Variants in ELFN1 observed in about 807,000 individuals in gnomAD.
ELFN1 encodes the protein protein ELFN1.
In ELFN1, 6 loss-of-function variants were observed where a neutral mutation model predicts 7.6. That is an observed-to-expected ratio of 0.79 (90% CI 0.43 to 1.56). The LOEUF is 1.56. Ranked by LOEUF, ELFN1 falls within the 40% of genes most tolerant of loss-of-function variation. The probability of loss-of-function intolerance (pLI) is 0.01; values close to 1 mark genes in which losing one functional copy is unlikely to be tolerated. For missense variants in ELFN1, 1,169 were observed against 1,232.2 expected (o/e 0.95, Z 0.77); for synonymous variants, 657 against 588.1 (o/e 1.12, Z -1.70).
At chr7:1,722,561 G>A (rs1022463623) in intron 3 of ELFN1, among the ~76,000 whole-genome samples, 45 of 151,728 alleles carry the variant, frequency 3.0e-4, no homozygotes, top group African/African-American at 9.4e-4. Context: ...GTGAGCCACC[G>A]CGCCTGGGCA....
At chr7:1,688,199 T>C (rs996998723) in intron 2 of ELFN1, 49 bp downstream of exon 2, 6 of 152,160 alleles carry the variant, frequency 3.9e-5, no homozygotes, top group African/African-American at 1.4e-4. Flanking sequence ...TTGCATTCTT[T>C]ATATGTTTGT....
At chr7:1,734,448 C>T (rs1310457688) in intron 3 of ELFN1, among the ~76,000 whole-genome samples, 2 of 152,206 alleles carry the variant, frequency 1.3e-5, no homozygotes, top group Non-Finnish European at 2.9e-5. Context: ...CAGAGCAGCC[C>T]GGGGCTGCGA....
At chr7:1,723,051 A>G (rs750117033) in intron 3 of ELFN1, among the ~76,000 whole-genome samples, 1 of 152,178 alleles carries the variant, frequency 6.6e-6, no homozygotes, top group Non-Finnish European at 1.5e-5. Context: ...AAAATTAGCC[A>G]GGTGTGATGG....
Position 1,745,897 on chromosome 7 carries a change from G to C in ELFN1, c.1301G>C (p.Gly434Ala). ...CTCTTCGGCATGGTGCTGGTGCTGGGCGCCGTCTACTACTGCCTGCGCAGG... is the reference window on the plus strand; with the variant it reads ...CTCTTCGGCATGGTGCTGGTGCTGGCCGCCGTCTACTACTGCCTGCGCAGG... Reference protein sequence around the residue: ...GCLFGMVLVLGAVYYCLRRRR... With the variant: ...GCLFGMVLVLAAVYYCLRRRR... Residue 434 changes from glycine (G) to alanine (A), a missense_variant, in exon 4 of 4, where the codon GGC (glycine) becomes GCC (alanine). By Grantham distance (60) the Gly-to-Ala change is moderately conservative. Coordinates refer to ENST00000424383, the MANE Select transcript of ELFN1 (RefSeq NM_001128636.4). The C allele has an allele frequency of 6.3e-7, 1 of 1,587,712 alleles. No individual in the cohort carries two copies. Among genetic ancestry groups the C allele is most frequent in the East Asian group, 2.3e-5 (1 of 43,432 alleles).
rs1317358089 is a variant in ELFN1 at position 1,745,021 on chromosome 7, A to G, written c.425A>G (p.Asn142Ser). 1.9e-6 allele frequency: 3 copies of G among 1,551,134 alleles called. No individual in the cohort carries two copies. Among genetic ancestry groups the G allele is most frequent in the African/African-American group, 1.4e-5 (1 of 73,154 alleles). The change falls in exon 4 of 4, where the codon AAC becomes AGC. Residue 142 changes from asparagine (N) to serine (S), a missense_variant. By Grantham distance (46) the Asn-to-Ser change is conservative. This residue lies in a region of ELFN1 where 255 missense variants were observed against 359.6 expected (regional missense o/e 0.71). Transcript: ENST00000424383. Reference protein sequence around the residue: ...GKLEYLYLQANLIEVVMASSF... With the variant: ...GKLEYLYLQASLIEVVMASSF... Reference sequence around the variant, plus strand: ...CTGGAGTACCTGTACCTGCAGGCCAACCTCATCGAGGTGGTCATGGCCAGC... The same window carrying G: ...CTGGAGTACCTGTACCTGCAGGCCAGCCTCATCGAGGTGGTCATGGCCAGC...
Position 1,670,593 on chromosome 7 carries a change from G to A in ELFN1, c.-549+239G>A, listed in dbSNP as rs899288454. 1.3e-5 allele frequency among the ~76,000 whole-genome samples: 2 copies of A among 152,130 alleles called. No individual in the cohort carries two copies. The highest frequency in any genetic ancestry group is 2.9e-5 in the Non-Finnish European group (2 of 67,996). Reference sequence around the variant, plus strand: ...GCAGGCTCAGCCCGACAAAGCCCGGGGGCCCGGGTCGGGGTCGCTGCCGCA... The same window carrying A: ...GCAGGCTCAGCCCGACAAAGCCCGGAGGCCCGGGTCGGGGTCGCTGCCGCA... On this transcript the variant is annotated intron_variant, in intron 1 of 3. Coordinates refer to ENST00000424383, the MANE Select transcript of ELFN1 (RefSeq NM_001128636.4). The surrounding 1 kb of genome is among the most constrained non-coding windows in gnomAD (Gnocchi z 6.4).
In ELFN1 at chr7:1,746,387, G is replaced by C; in HGVS notation, c.1791G>C (p.Pro597=). The change falls in exon 4 of 4, where the codon CCG becomes CCC. Residue 597 remains proline (P), a synonymous_variant. Transcript: ENST00000424383. The stretch of plus-strand genomic sequence containing the variant: ...GGCCCGTGTCCGTCGCGGAGCCGCC[G>C]CTGGTGCTGCTGTCCGAGCCGCTGG... ...KSGPVSVAEP[P]LVLLSEPLAA... is the part of the protein sequence containing the mutation. 6.5e-7 allele frequency: 1 copy of C among 1,535,480 alleles called. No homozygotes were observed. Among genetic ancestry groups the C allele is most frequent in the Non-Finnish European group, 8.8e-7 (1 of 1,141,954 alleles).
At chr7:1,743,921 T>A (rs1472231017) in intron 3 of ELFN1, among the ~76,000 whole-genome samples, 1 of 152,114 alleles carries the variant, frequency 6.6e-6, no homozygotes, top group East Asian at 1.9e-4. Flanking sequence ...CCTGCCTCAG[T>A]TCCCTTATCC....
intron 1 of ELFN1, among the ~76,000 whole-genome samples, chr7:1,678,374 C>G (rs1583309933): frequency 6.6e-6 from 1 of 152,332 alleles, no homozygotes; most frequent in East Asian, 1.9e-4. Flanking sequence ...CCGCCCCACC[C>G]TGCGGCCCTG....
chr7:1,742,763 CTT>C (rs1583404750), intron 3 of ELFN1, among the ~76,000 whole-genome samples: 1 of 152,240 alleles, frequency 6.6e-6, no homozygotes, highest in East Asian at 1.9e-4. Flanking sequence ...TTCTCCCTCT[CTT>C]TAAATCAGAA....
chr7:1,746,261 C>T lies in ELFN1; in HGVS notation c.1665C>T (p.Ile555=). 1.3e-6 allele frequency: 2 copies of T among 1,594,830 alleles called. No homozygotes were observed. Among genetic ancestry groups the T allele is most frequent in the Non-Finnish European group, 1.7e-6 (2 of 1,172,102 alleles). ...GPDSQSSVAE[I]STIAKEVDKV... ...ACAGCCAGAGTTCGGTGGCCGAGAT[C>T]TCCACCATCGCCAAGGAGGTGGACA... is the stretch of plus-strand genomic sequence containing the variant. The change falls in exon 4 of 4, where the codon ATC becomes ATT. Residue 555 remains isoleucine, a synonymous_variant. Transcript: ENST00000424383.
Position 1,694,617 on chromosome 7 carries a change from A to G in ELFN1, c.-456+6467A>G, listed in dbSNP as rs537490008. ...CCCCACCTCCCTGAGACAGGAAACC[A>G]TCTCCTTGAAGGAGTCAGCTCCCCC... On this transcript the variant is annotated intron_variant, in intron 2 of 3. Coordinates refer to ENST00000424383, the MANE Select transcript of ELFN1 (RefSeq NM_001128636.4). Among the ~76,000 whole-genome samples, 5 of 152,276 alleles carry G rather than the reference A, an allele frequency of 3.3e-5. No homozygotes were observed. The East Asian group carries it at 9.7e-4, about 29-fold the overall frequency.
chr7:1,695,856 A>G lies in ELFN1; in HGVS notation c.-456+7706A>G, dbSNP rs900624378. The stretch of plus-strand genomic sequence containing the variant: ...AATCTTGTTGGGCCCGCCAGGCCCT[A>G]GGGTTACCAGACAAAGTCTGTTTCC... On this transcript the variant is annotated intron_variant, in intron 2 of 3. Coordinates refer to ENST00000424383, the MANE Select transcript of ELFN1 (RefSeq NM_001128636.4). The surrounding 1 kb of genome is among the most constrained non-coding windows in gnomAD (Gnocchi z 5.1). Among the ~76,000 whole-genome samples the G allele has an allele frequency of 1.1e-4, 17 of 151,608 alleles. No homozygotes were observed. The highest frequency in any genetic ancestry group is 3.9e-4 in the African/African-American group (16 of 41,266).
chr7:1,671,553 C>T (rs1421595273), intron 1 of ELFN1, among the ~76,000 whole-genome samples: 5 of 152,230 alleles, frequency 3.3e-5, no homozygotes, highest in Non-Finnish European at 7.3e-5. Flanking sequence ...AATGGCAAAT[C>T]TCCCCATATT....
In ELFN1 at chr7:1,719,495, C is replaced by T. The variant is rs1386192548; in HGVS notation, c.-294+10243C>T. On this transcript the variant is annotated intron_variant, in intron 3 of 3. Coordinates refer to ENST00000424383, the MANE Select transcript of ELFN1 (RefSeq NM_001128636.4). ...CAGGGCCCTCTGGACACACCCACCC[C>T]TGGAGACCCCTGTGTCTTAGACATG... 2.0e-5 allele frequency among the ~76,000 whole-genome samples: 3 copies of T among 152,250 alleles called. No homozygotes were observed. In the East Asian group the frequency reaches 5.8e-4, roughly 29 times the overall value.
At chr7:1,715,767 C>A (rs954723162) in intron 3 of ELFN1, among the ~76,000 whole-genome samples, 1 of 152,276 alleles carries the variant, frequency 6.6e-6, no homozygotes, top group African/African-American at 2.4e-5. Flanking sequence ...TGCCTCTGGC[C>A]TCTCCCGCTG....
In ELFN1 at chr7:1,700,635, C is replaced by T. The variant is rs143041143; in HGVS notation, c.-455-8456C>T. Among the ~76,000 whole-genome samples the T allele has an allele frequency of 3.8e-3, 575 of 152,312 alleles. 5 individuals are homozygous for T. Among genetic ancestry groups the T allele is most frequent in the African/African-American group, 0.013 (529 of 41,568 alleles). On this transcript the variant is annotated intron_variant, in intron 2 of 3. Transcript: ENST00000424383. ...TCCCTTGCATATCTCCTGCTTCACACGTGTGGGACCCTCCCTGAGGTTTAC... is the reference window on the plus strand; with the variant it reads ...TCCCTTGCATATCTCCTGCTTCACATGTGTGGGACCCTCCCTGAGGTTTAC...
At chr7:1,676,932 G>A (rs569482642) in intron 1 of ELFN1, among the ~76,000 whole-genome samples, 2 of 152,278 alleles carry the variant, frequency 1.3e-5, no homozygotes, top group Admixed American at 6.5e-5. Context: ...CTCTGATGTC[G>A]ACGGAGAAAG....
intron 3 of ELFN1, among the ~76,000 whole-genome samples, chr7:1,725,372 A>C (rs1780159194): frequency 6.7e-6 from 1 of 148,452 alleles, no homozygotes; most frequent in Admixed American, 6.7e-5. Context: ...GGGACGGGAC[A>C]GGGCGCAGGC....
Sources: allele counts gnomAD v4.1 joint callset (sites outside exome capture counted in the v4.1 genomes callset), GRCh38; gene constraint gnomAD v4.1.1; regional missense constraint gnomAD v4.1.1; non-coding constraint Gnocchi (gnomAD v3.1); transcripts MANE v1.5; gene names NCBI Gene and HGNC (gene_info 2026-07-23, HGNC 2026-07-21).